Variants in ASAH1 observed in about 807,000 individuals in gnomAD.
ASAH1 encodes the protein N-acylsphingosine amidohydrolase 1, also known as acid ceramidase.
ASAH1 carries 70 observed loss-of-function variants against 59.5 expected under a neutral mutation model. The observed-to-expected ratio is 1.18, with a 90% CI of 0.97 to 1.43. ASAH1 has a LOEUF of 1.43. Among genes scored for constraint, ASAH1 ranks in the 40% most tolerant of loss-of-function variants. ASAH1 has a pLI of 0.00. For synonymous variants in ASAH1, 213 were observed against 166.5 expected (o/e 1.28, Z -2.15); for missense variants, 660 against 482.5 (o/e 1.37, Z -3.45).
At chr8:18,069,662 C>G in intron 4 of ASAH1, 130 bp downstream of exon 4, 1 of 663,020 alleles carries the variant, frequency 1.5e-6, no homozygotes, top group Admixed American at 2.6e-5. Flanking sequence ...CTCTGAAGTT[C>G]TGACAGTGAG....
At position 18,057,545 on chromosome 8, in the gene ASAH1, T is replaced by C. The variant is rs935049109; in HGVS notation, c.1177A>G (p.Ile393Val). Residue 393 changes from isoleucine to valine, a missense_variant, in exon 14 of 14, where the codon ATA becomes GTA. Physicochemically the swap from Ile to Val is conservative, Grantham distance 29. Transcript: ENST00000637790. ...TYLRDCPDPC[I>V]GW ...GGCCAGACGTGTGCTCACCAACCTA[T>C]ACAAGGGTCAGGGCAGTCCCGCAGG... 2.5e-6 allele frequency: 4 copies of C among 1,598,030 alleles called. No homozygotes were observed. Among genetic ancestry groups the C allele is most frequent in the South Asian group, 2.2e-5 (2 of 90,924 alleles).
chr8:18,077,310 G>T (rs140049639), intron 1 of ASAH1, among the ~76,000 whole-genome samples: 1 of 152,138 alleles, frequency 6.6e-6, no homozygotes, highest in South Asian at 2.1e-4. Context: ...TAAACACCTC[G>T]CATGTTCACA....
rs1800370798 is a variant in ASAH1 at position 18,075,580 on chromosome 8, T to C, written c.86A>G (p.Glu29Gly). The change falls in exon 2 of 14, where the codon GAG becomes GGG. Residue 29 changes from glutamate (E) to glycine (G), a missense_variant. Physicochemically the swap from Glu to Gly is moderately conservative, Grantham distance 98 (BLOSUM62 -2). Coordinates refer to ENST00000637790, the MANE Select transcript of ASAH1 (RefSeq NM_177924.5). ...AVAQHAPPWTEDCRKSTYPPS... is the reference protein window; with the variant it reads ...AVAQHAPPWTGDCRKSTYPPS... ...AGGATAGGTTGATTTTCTGCAGTCC[T>C]CTGTCCACTGAAAAGCAAAGAAAAT... is the stretch of plus-strand genomic sequence containing the variant. 1 of 1,614,030 alleles carries C rather than the reference T, an allele frequency of 6.2e-7. No individual in the cohort carries two copies. The highest frequency in any genetic ancestry group is 1.7e-5 in the Admixed American group (1 of 60,006).
In ASAH1 at chr8:18,057,639, T is replaced by C. The variant is rs772074338; in HGVS notation, c.1099-16A>G. ...ATACGGTCAGCTGAAAGAAAAGTTA[T>C]TTTTACTTTAAGGACGTTTTCAATT... On this transcript the variant is annotated splice_polypyrimidine_tract_variant and intron_variant, in intron 13 of 13. Transcript: ENST00000637790. The C allele has an allele frequency of 2.5e-6, 4 of 1,572,126 alleles. No homozygotes were observed. The highest frequency in any genetic ancestry group is 4.7e-5 in the East Asian group (2 of 42,890).
intron 1 of ASAH1, chr8:18,082,973 G>A (rs1344839236): frequency 1.3e-5 from 2 of 152,140 alleles, no homozygotes; most frequent in Non-Finnish European, 2.9e-5. Context: ...AGGAAAAACT[G>A]TATATACTAT....
intron 3 of ASAH1, among the ~76,000 whole-genome samples, chr8:18,070,956 C>T (rs1349003179): frequency 6.6e-6 from 1 of 151,630 alleles, no homozygotes; most frequent in African/African-American, 2.4e-5. Context: ...GCCTATAATC[C>T]CAGCACTTTG....
At position 18,057,417 on chromosome 8, in the gene ASAH1, CAA is replaced by C. The variant is rs912374875; in HGVS notation, c.*115_*116del. ...GATGGACGAAGACAAGCTATTGACT[CAA>C]AGAGAACCTGCCGCGAGTCTTAGTC... On this transcript the variant is annotated 3_prime_UTR_variant, in exon 14 of 14. Transcript: ENST00000637790. 1.1e-5 allele frequency: 8 copies of C among 727,696 alleles called. No homozygotes were observed. The highest frequency in any genetic ancestry group is 1.9e-5 in the Non-Finnish European group (8 of 423,700). 45.1% of individuals were successfully genotyped at this position (727,696 alleles called of 1,614,324 possible).
At chr8:18,067,372 T>G (rs1356412027) in intron 4 of ASAH1, 74 bp from the exon 5 acceptor site, 20 of 933,834 alleles carry the variant, frequency 2.1e-5, no homozygotes, top group Non-Finnish European at 2.7e-5. Context: ...TATAAACAAA[T>G]ATAATAAAAG....
Position 18,084,101 on chromosome 8 carries a change from A to C in ASAH1, c.-43T>G, listed in dbSNP as rs965861549. ...CCACTCCCCGGACTCCAGCAGAGGC[A>C]AAGAAGAGCCGGCTGGGCCGGGGGC... On this transcript the variant is annotated 5_prime_UTR_variant, in exon 1 of 14. Transcript: ENST00000637790. The C allele has an allele frequency of 6.3e-7, 1 of 1,595,824 alleles. No individual in the cohort carries two copies. Among genetic ancestry groups the C allele is most frequent in the Non-Finnish European group, 8.5e-7 (1 of 1,178,772 alleles).
At chr8:18,071,896 T>C (rs943895224) in intron 2 of ASAH1, among the ~76,000 whole-genome samples, 1 of 152,176 alleles carries the variant, frequency 6.6e-6, no homozygotes, top group African/African-American at 2.4e-5. Flanking sequence ...CACGATCAGC[T>C]TCAAGAACCT....
At chr8:18,066,562 A>G (rs1383049945) in intron 5 of ASAH1, 1 of 152,150 alleles carries the variant, frequency 6.6e-6, no homozygotes, top group East Asian at 1.9e-4. Flanking sequence ...AAAAGGAAAA[A>G]AAAAGACTGA....
chr8:18,077,446 G>A (rs773693447), intron 1 of ASAH1, among the ~76,000 whole-genome samples: 17 of 152,158 alleles, frequency 1.1e-4, no homozygotes, highest in Non-Finnish European at 5.9e-5. Flanking sequence ...CAGCTTCTTC[G>A]AAAACATCCT....
intron 1 of ASAH1, among the ~76,000 whole-genome samples, chr8:18,078,482 A>G (rs1455734356): frequency 6.6e-6 from 1 of 152,188 alleles, no homozygotes; most frequent in Non-Finnish European, 1.5e-5. Context: ...ATGAGACTAC[A>G]GTATTTCAGG....
At chr8:18,084,888 C>T (rs539504539), upstream of ASAH1, 10 of 1,556,512 alleles carry the variant, frequency 6.4e-6, no homozygotes, top group Admixed American at 1.8e-5. Context: ...GCGAGTAGCT[C>T]GGCAGGGGGA....
In ASAH1 at chr8:18,084,051, C is replaced by G. The variant is rs1348114526; in HGVS notation, c.8G>C (p.Gly3Ala). Residue 3 changes from glycine to alanine, a missense_variant, in exon 1 of 14, where the codon GGC becomes GCC. Transcript: ENST00000637790. Reference protein sequence around the residue: MPGRSCVALVLLA... With the variant: MPARSCVALVLLA... ...GAGGACTAAGGCGACGCAACTCCGG[C>G]CCGGCATCGCTCTAGCAGCCAACGC... 11 of 1,598,700 alleles carry G rather than the reference C, an allele frequency of 6.9e-6. No homozygotes were observed. Among genetic ancestry groups the G allele is most frequent in the Non-Finnish European group, 5.1e-6 (6 of 1,179,668 alleles).
intron 2 of ASAH1, 104 bp downstream of exon 2, chr8:18,075,437 G>A: frequency 8.3e-7 from 1 of 1,210,826 alleles, no homozygotes; most frequent in Admixed American, 1.7e-5. Flanking sequence ...TGGGAAACAT[G>A]ACTTAAGATT....
chr8:18,057,226 G>A lies in ASAH1; in HGVS notation c.*308C>T, dbSNP rs375772636. 35 of 324,724 alleles carry A rather than the reference G, an allele frequency of 1.1e-4. 1 individual carries two copies. In the East Asian group the frequency reaches 2.0e-3, roughly 19 times the overall value. 20.1% of individuals were successfully genotyped at this position (324,724 alleles called of 1,614,324 possible). On this transcript the variant is annotated 3_prime_UTR_variant, in exon 14 of 14. Coordinates refer to ENST00000637790, the MANE Select transcript of ASAH1 (RefSeq NM_177924.5). ...GCTGAATCTCCATTTATTCCACGGA[G>A]GTGGAGTTCACCATGGTTCGACTGC...
chr8:18,067,320 A>G (rs1799973103), intron 4 of ASAH1, 22 bp from the exon 5 acceptor site: 2 of 1,473,650 alleles, frequency 1.4e-6, no homozygotes, highest in Non-Finnish European at 1.9e-6. Flanking sequence ...ATATATTAAT[A>G]AAAGCATTTA....
intron 1 of ASAH1, 41 bp from the exon 2 acceptor site, chr8:18,075,628 G>A: frequency 6.3e-7 from 1 of 1,590,074 alleles, no homozygotes; most frequent in Non-Finnish European, 8.6e-7. Flanking sequence ...AATAACAAAT[G>A]CTTGCCAACG....
Sources: allele counts gnomAD v4.1 joint callset (sites outside exome capture counted in the v4.1 genomes callset), GRCh38; gene constraint gnomAD v4.1.1; transcripts MANE v1.5; gene names NCBI Gene and HGNC (gene_info 2026-07-23, HGNC 2026-07-21).